Variants in PNLIPRP3 observed in about 807,000 individuals in gnomAD.
PNLIPRP3 encodes pancreatic lipase-related protein 3.
A neutral mutation model predicts 52.8 loss-of-function variants in PNLIPRP3; 58 were observed. The ratio of observed to expected loss-of-function variants is 1.10; its 90% CI spans 0.89 to 1.37. The LOEUF (loss-of-function observed/expected upper bound fraction) is 1.37, where lower values mean the gene tolerates loss of function less well. Among genes scored for constraint, PNLIPRP3 ranks in the 40% most tolerant of loss-of-function variants. The pLI, the probability that PNLIPRP3 is intolerant of heterozygous loss-of-function variation, is 0.00. For synonymous variants in PNLIPRP3, 192 were observed against 185.0 expected, an observed-to-expected ratio of 1.04 and a Z score of -0.31; for missense variants, 593 against 561.6, an observed-to-expected ratio of 1.06 and a Z score of -0.57.
intron 7 of PNLIPRP3, among the ~76,000 whole-genome samples, chr10:116,464,880 T>C (rs1846255564): frequency 6.6e-6 from 1 of 152,200 alleles, no homozygotes; most frequent in Admixed American, 6.5e-5. Context: ...AGACCACAGC[T>C]CTTGGGCTGT....
At chr10:116,440,759 C>T (rs1845846224) in intron 2 of PNLIPRP3, among the ~76,000 whole-genome samples, 1 of 152,174 alleles carries the variant, frequency 6.6e-6, no homozygotes, top group Admixed American at 6.5e-5. Flanking sequence ...TCCATGACAC[C>T]TTAACCTAGA....
intron 7 of PNLIPRP3, among the ~76,000 whole-genome samples, chr10:116,465,071 G>C (rs1178753176): frequency 2.0e-5 from 3 of 152,178 alleles, no homozygotes; most frequent in African/African-American, 7.2e-5. Context: ...TGACCAAACA[G>C]CTCTTGGATG....
intron 1 of PNLIPRP3, among the ~76,000 whole-genome samples, chr10:116,435,560 G>C (rs922062139): frequency 2.6e-5 from 4 of 152,124 alleles, no homozygotes; most frequent in Non-Finnish European, 4.4e-5. Flanking sequence ...GTTATCTCTC[G>C]GCTTCAAGCC....
intron 8 of PNLIPRP3, among the ~76,000 whole-genome samples, chr10:116,468,131 A>AAAG: frequency 7.0e-6 from 1 of 142,620 alleles, no homozygotes; most frequent in Non-Finnish European, 1.6e-5. Flanking sequence ...TCTCGCAAAA[A>AAAG]AAAAAAAAAA....
At chr10:116,429,696 A>G (rs1228142969) in intron 1 of PNLIPRP3, among the ~76,000 whole-genome samples, 1 of 152,226 alleles carries the variant, frequency 6.6e-6, no homozygotes, top group African/African-American at 2.4e-5. Flanking sequence ...TTGAGTGCTG[A>G]AAGCAGTTAG....
At chr10:116,429,855 T>G (rs557654130) in intron 1 of PNLIPRP3, among the ~76,000 whole-genome samples, 1 of 152,148 alleles carries the variant, frequency 6.6e-6, no homozygotes, top group East Asian at 1.9e-4. Context: ...ACTTCCTCAT[T>G]AAGAAATCAG....
At position 116,472,719 on chromosome 10, in the gene PNLIPRP3, T is replaced by C. The variant is rs910167728; in HGVS notation, c.1172+840T>C. ...CAGTGAATGATGATCTGGATCCTGA[T>C]TGGTGCACAGGCTCCAGCCCACCCT... On this transcript the variant is annotated intron_variant, in intron 10 of 11. Transcript: ENST00000369230. Among the ~76,000 whole-genome samples, 44 of 152,310 alleles carry C rather than the reference T, an allele frequency of 2.9e-4. 1 individual carries two copies. The highest frequency in any genetic ancestry group is 8.9e-4 in the African/African-American group (37 of 41,564).
intron 7 of PNLIPRP3, among the ~76,000 whole-genome samples, chr10:116,463,991 AAAGAAG>A (rs67444811): frequency 0.084 from 12,652 of 151,184 alleles, 669 homozygotes; most frequent in African/African-American, 0.15. Context: ...TAAAATAAAA[AAAGAAG>A]AAGAAGAAGA....
intron 3 of PNLIPRP3, among the ~76,000 whole-genome samples, chr10:116,443,801 G>GTGTA (rs1845898955): frequency 0.054 from 600 of 11,084 alleles, 17 homozygotes; most frequent in Admixed American, 0.24. Context: ...ATGTGTGTGT[G>GTGTA]CATATATATA....
chr10:116,449,824 C>T (rs546877445), intron 4 of PNLIPRP3, among the ~76,000 whole-genome samples: 26 of 152,274 alleles, frequency 1.7e-4, no homozygotes, highest in Non-Finnish European at 3.2e-4. Flanking sequence ...ACAGAACCTT[C>T]GCCAGGATAG....
chr10:116,471,673 G>A, intron 9 of PNLIPRP3, 95 bp from the exon 10 acceptor site: 1 of 989,338 alleles, frequency 1.0e-6, no homozygotes, highest in South Asian at 1.3e-5. Context: ...ATACAACCCT[G>A]AAAATTTTAT....
chr10:116,449,198 C>G (rs1273946147), intron 4 of PNLIPRP3, among the ~76,000 whole-genome samples: 1 of 152,028 alleles, frequency 6.6e-6, no homozygotes, highest in East Asian at 1.9e-4. Context: ...GACCCTGTCT[C>G]AAAACGAGAC....
At position 116,466,097 on chromosome 10, in the gene PNLIPRP3, T is replaced by C; in HGVS notation, c.856T>C (p.Tyr286His). 1.2e-6 allele frequency: 2 copies of C among 1,613,966 alleles called. No homozygotes were observed. Among genetic ancestry groups the C allele is most frequent in the African/African-American group, 1.3e-5 (1 of 75,074 alleles). ...TAACCATGCCCGAAGTTATCAATTT[T>C]ATGCTGAAAGCATTCTTAATCCTGA... ...DCNHARSYQF[Y>H]AESILNPDAF... The change falls in exon 8 of 12, where the codon TAT becomes CAT. Residue 286 changes from tyrosine to histidine, a missense_variant. Physicochemically the swap from Tyr to His is moderately conservative, Grantham distance 83 (BLOSUM62 2). Transcript: ENST00000369230.
At chr10:116,439,443 G>A (rs1845825850) in intron 2 of PNLIPRP3, 2 of 637,724 alleles carry the variant, frequency 3.1e-6, no homozygotes, top group Non-Finnish European at 5.6e-6. Context: ...CAAGGAGACA[G>A]ATAAATAGTT....
At position 116,439,474 on chromosome 10, in the gene PNLIPRP3, C is replaced by T. The variant is rs1845826253; in HGVS notation, c.204+2609C>T. On this transcript the variant is annotated intron_variant, in intron 2 of 11. Coordinates refer to ENST00000369230, the MANE Select transcript of PNLIPRP3 (RefSeq NM_001011709.3). ...TAGTTTCTTTATTCCTCCTCCTCCT[C>T]CTATTCTTCCTCCCCGTCTTCTTCA... 3 of 703,536 alleles carry T rather than the reference C, an allele frequency of 4.3e-6. No homozygotes were observed. In the Admixed American group the frequency reaches 6.0e-5, roughly 14 times the overall value. 43.6% of individuals were successfully genotyped at this position (703,536 alleles called of 1,614,324 possible).
chr10:116,463,518 C>A (rs1846230140), intron 7 of PNLIPRP3, among the ~76,000 whole-genome samples: 1 of 152,106 alleles, frequency 6.6e-6, no homozygotes, highest in African/African-American at 2.4e-5. Flanking sequence ...TCTTTTAAGG[C>A]CTTAGAACTT....
chr10:116,470,264 G>C (rs1389419050), intron 9 of PNLIPRP3, among the ~76,000 whole-genome samples: 1 of 152,104 alleles, frequency 6.6e-6, no homozygotes, highest in African/African-American at 2.4e-5. Flanking sequence ...AAATGGATGT[G>C]TTCTACAGAT....
At chr10:116,459,283 A>T (rs1311806266) in intron 5 of PNLIPRP3, among the ~76,000 whole-genome samples, 1 of 115,174 alleles carries the variant, frequency 8.7e-6, no homozygotes, top group Non-Finnish European at 1.7e-5. Flanking sequence ...CAGAAAAATA[A>T]AAAAAAAAAA....
At chr10:116,442,035 T>C (rs1352255356) in intron 2 of PNLIPRP3, among the ~76,000 whole-genome samples, 1 of 152,178 alleles carries the variant, frequency 6.6e-6, no homozygotes, top group African/African-American at 2.4e-5. Context: ...TAGCCAGAAA[T>C]AGGCTCTTTG....
Sources: gnomAD v4.1 joint callset for allele counts (sites outside exome capture counted in the v4.1 genomes callset) on GRCh38, gnomAD v4.1.1 for gene constraint, MANE v1.5 for transcripts, NCBI Gene and HGNC (gene_info 2026-07-23, HGNC 2026-07-21) for gene names.